The following LDLRAP1 variants were observed in gnomAD, a reference collection of about 807,000 sequenced individuals.
The protein encoded by LDLRAP1 is low density lipoprotein receptor adaptor protein 1.
Under a neutral mutation model 37.8 loss-of-function variants are expected in LDLRAP1, and 30 were observed. The ratio of observed to expected loss-of-function variants is 0.79; its 90% CI spans 0.59 to 1.08. LDLRAP1 has a LOEUF of 1.08. LDLRAP1 is among the 50% of genes least tolerant of loss of function. The pLI is 0.00. For missense variants in LDLRAP1, 375 were observed against 401.6 expected, an observed-to-expected ratio of 0.93 and a Z score of 0.57; for synonymous variants, 156 against 169.8, an observed-to-expected ratio of 0.92 and a Z score of 0.63.
chr1:25,558,254 A>C (rs1196410753), intron 4 of LDLRAP1, among the ~76,000 whole-genome samples: 1 of 152,146 alleles, frequency 6.6e-6, no homozygotes, highest in Non-Finnish European at 1.5e-5. Flanking sequence ...TCTGAGCCCC[A>C]GTCCCCATGC....
At chr1:25,559,997 TC>T (rs1013507921) in intron 4 of LDLRAP1, among the ~76,000 whole-genome samples, 1 of 143,682 alleles carries the variant, frequency 7.0e-6, no homozygotes, top group South Asian at 2.2e-4. Context: ...CAGTGAGACT[TC>T]CCTGAGACAG....
rs910675353 is a variant in LDLRAP1, at chr1:25,565,212, T to A, written c.782+5T>A. On this transcript the variant is annotated splice_donor_5th_base_variant and intron_variant, in intron 8 of 8. Transcript: ENST00000374338. ...CCTGGATGAAGCGTTTTCGAGGTAATGCTAGCTTCCTGTGCTGGGTAGGGG... is the reference window on the plus strand; with the variant it reads ...CCTGGATGAAGCGTTTTCGAGGTAAAGCTAGCTTCCTGTGCTGGGTAGGGG... 1.4e-5 allele frequency: 23 copies of A among 1,614,066 alleles called. No individual in the cohort carries two copies. The highest frequency in any genetic ancestry group is 1.9e-5 in the Non-Finnish European group (22 of 1,179,958).
chr1:25,554,002 C>T lies in LDLRAP1; in HGVS notation c.169C>T (p.Leu57=), dbSNP rs778147232. The change falls in exon 2 of 9, where the codon CTA becomes TTA. Residue 57 remains leucine (L), a synonymous_variant. Transcript: ENST00000374338. This position sits in a 1 kb window ranked among gnomAD's most constrained non-coding sequence, Gnocchi z 5.4. ...CAGCCTCAAGTACCTGGGCATGACG[C>T]TAGTGGAGCAGCCCAAGGGTGAGGA... ...LFSLKYLGMT[L]VEQPKGEELS... 5.0e-6 allele frequency: 8 copies of T among 1,614,104 alleles called. No homozygotes were observed. The highest frequency in any genetic ancestry group is 1.6e-4 in the Middle Eastern group (1 of 6,062).
chr1:25,560,929 G>C (rs140191409), intron 4 of LDLRAP1, among the ~76,000 whole-genome samples: 208 of 152,376 alleles, frequency 1.4e-3, no homozygotes, highest in Non-Finnish European at 1.4e-3. Flanking sequence ...CCCAGTCCCT[G>C]CCCAGCCTGG....
downstream of LDLRAP1, among the ~76,000 whole-genome samples, chr1:25,571,284 T>G (rs551056158): frequency 2.6e-5 from 4 of 152,330 alleles, no homozygotes; most frequent in East Asian, 3.9e-4. Context: ...GGCTGCCCTT[T>G]GGGGCCACTT....
chr1:25,553,118 G>A (rs187483511), intron 1 of LDLRAP1, among the ~76,000 whole-genome samples: 21 of 151,240 alleles, frequency 1.4e-4, no homozygotes, highest in Admixed American at 2.0e-4. Flanking sequence ...TGGTCTCTAC[G>A]GATGCGCACA....
At chr1:25,548,050 C>T (rs1303464685) in intron 1 of LDLRAP1, among the ~76,000 whole-genome samples, 1 of 152,212 alleles carries the variant, frequency 6.6e-6, no homozygotes, top group East Asian at 1.9e-4. Flanking sequence ...CAGCAAGGGG[C>T]TTGGGCTGCA....
In LDLRAP1 at chr1:25,562,735, AT is replaced by A; in HGVS notation, c.532+21del. ...AAGGAAGGTGAGACTTTGCATCTACATTGTGGGTGTGGTGGGAGGTGGGGAG... is the reference window on the plus strand; with the variant it reads ...AAGGAAGGTGAGACTTTGCATCTACATGTGGGTGTGGTGGGAGGTGGGGAG... On this transcript the variant is annotated intron_variant, in intron 5 of 8. Transcript: ENST00000374338. The A allele has an allele frequency of 6.2e-7, 1 of 1,609,868 alleles. No homozygotes were observed. Among genetic ancestry groups the A allele is most frequent in the African/African-American group, 1.3e-5 (1 of 74,922 alleles).
chr1:25,570,228 C>A (rs1414406087), downstream of LDLRAP1, among the ~76,000 whole-genome samples: 2 of 152,290 alleles, frequency 1.3e-5, no homozygotes, highest in East Asian at 3.9e-4. Flanking sequence ...AGACACCCAA[C>A]AAGTTTATCT....
chr1:25,546,160 G>A (rs2043929202), intron 1 of LDLRAP1, among the ~76,000 whole-genome samples: 1 of 152,180 alleles, frequency 6.6e-6, no homozygotes. Flanking sequence ...TGTGGGGGTG[G>A]GGGTGCTAGG....
the LDLRAP1 span, among the ~76,000 whole-genome samples, chr1:25,577,326 C>T: frequency 3.3e-5 from 5 of 152,072 alleles, no homozygotes; most frequent in Admixed American, 6.6e-5. Flanking sequence ...TGCCAGGATG[C>T]GAGCCTGGAT....
chr1:25,583,275 C>T, the LDLRAP1 span, among the ~76,000 whole-genome samples: 1 of 150,342 alleles, frequency 6.7e-6, no homozygotes, highest in East Asian at 2.0e-4. Context: ...CTGTAACCTC[C>T]ATCTCCCAGG....
chr1:25,570,676 G>A (rs199659927), downstream of LDLRAP1, among the ~76,000 whole-genome samples: 2 of 152,034 alleles, frequency 1.3e-5, no homozygotes, highest in Admixed American at 6.6e-5. Flanking sequence ...TGGCTAACAC[G>A]GTGAAACCCC....
At chr1:25,575,061 G>A in the LDLRAP1 span, among the ~76,000 whole-genome samples, 1 of 152,264 alleles carries the variant, frequency 6.6e-6, no homozygotes, top group African/African-American at 2.4e-5. Context: ...AGGTAGGGAC[G>A]ACTCACCGTC....
At chr1:25,579,304 C>T in the LDLRAP1 span, among the ~76,000 whole-genome samples, 2 of 152,196 alleles carry the variant, frequency 1.3e-5, no homozygotes, top group Non-Finnish European at 2.9e-5. Context: ...GATCCACCTC[C>T]ACGTGCGCAG....
intron 5 of LDLRAP1, 78 bp from the exon 6 acceptor site, chr1:25,562,992 A>C: frequency 7.1e-7 from 1 of 1,411,776 alleles, no homozygotes; most frequent in Non-Finnish European, 1.0e-6. Flanking sequence ...GGCCACCGCT[A>C]ATCACCCCTG....
At chr1:25,549,758 G>A (rs1204188905) in intron 1 of LDLRAP1, among the ~76,000 whole-genome samples, 1 of 151,888 alleles carries the variant, frequency 6.6e-6, no homozygotes, top group African/African-American at 2.4e-5. Context: ...GGCGGGTGGC[G>A]GGTGTGGCCC....
Position 25,565,091 on chromosome 1 carries a change from TAC to T in LDLRAP1, c.748-81_748-80del, listed in dbSNP as rs2044441462. 4 of 1,490,112 alleles carry T rather than the reference TAC, an allele frequency of 2.7e-6. No individual in the cohort carries two copies. The South Asian group carries it at 3.4e-5, about 13-fold the overall frequency. 92.3% of individuals were successfully genotyped at this position (1,490,112 alleles called of 1,614,324 possible). On this transcript the variant is annotated intron_variant, in intron 7 of 8. Coordinates refer to ENST00000374338, the MANE Select transcript of LDLRAP1 (RefSeq NM_015627.3). ...GCTTGTGTCCTGAGTCCCTGTAGCT[TAC>T]CCAGGGCTGGGACAAGCCCCAGCTG...
the LDLRAP1 span, among the ~76,000 whole-genome samples, chr1:25,582,059 T>C: frequency 1.3e-5 from 2 of 152,180 alleles, no homozygotes; most frequent in African/African-American, 2.4e-5. Context: ...GTGGAACTTA[T>C]CTGGGTTCTG....
Sources: gnomAD v4.1 joint callset for allele counts (sites outside exome capture counted in the v4.1 genomes callset) on GRCh38, gnomAD v4.1.1 for gene constraint, Gnocchi (gnomAD v3.1) non-coding constraint, MANE v1.5 for transcripts, NCBI Gene and HGNC (gene_info 2026-07-23, HGNC 2026-07-21) for gene names.